The following PCCA variants were observed in gnomAD, a reference collection of about 807,000 sequenced individuals.
PCCA encodes propionyl-CoA carboxylase alpha chain, mitochondrial.
A neutral mutation model predicts 101.3 loss-of-function variants in PCCA; 74 were observed. The ratio of observed to expected loss-of-function variants is 0.73; its 90% confidence interval spans 0.61 to 0.89. The LOEUF (loss-of-function observed/expected upper bound fraction) is 0.89. Ranked by LOEUF, PCCA falls within the 40% of genes least tolerant of loss-of-function variation. The pLI is 0.00. For synonymous variants in PCCA, 294 were observed against 313.6 expected (o/e 0.94, Z 0.66); for missense variants, 891 against 907.0 (o/e 0.98, Z 0.23).
intron 21 of PCCA, among the ~76,000 whole-genome samples, chr13:100,469,224 A>AAAAAAAAAAAAAAG: frequency 2.0e-5 from 3 of 150,300 alleles, no homozygotes; most frequent in African/African-American, 7.3e-5. Context: ...AAAAAAAAAA[A>AAAAAAAAAAAAAAG]AAAGAATCCC....
intron 21 of PCCA, among the ~76,000 whole-genome samples, chr13:100,469,125 C>T (rs1321154575): frequency 2.7e-5 from 4 of 147,954 alleles, no homozygotes; most frequent in East Asian, 2.0e-4. Flanking sequence ...GCAGGAGAAT[C>T]GCTTGAACCC....
intron 19 of PCCA, among the ~76,000 whole-genome samples, chr13:100,375,999 G>A (rs1013315263): frequency 2.0e-5 from 3 of 152,200 alleles, no homozygotes; most frequent in Admixed American, 2.0e-4. Context: ...TGTCTTTGAT[G>A]TTGGTGACCT....
At chr13:100,157,488 G>A (rs77295050) in intron 6 of PCCA, 148 bp downstream of exon 6, 117 of 655,658 alleles carry the variant, frequency 1.8e-4, no homozygotes, top group Non-Finnish European at 2.6e-4. Context: ...AGTGGTTTTA[G>A]TCTGAAACTC....
At chr13:100,339,870 A>G (rs1431113387) in intron 17 of PCCA, among the ~76,000 whole-genome samples, 2 of 152,096 alleles carry the variant, frequency 1.3e-5, no homozygotes, top group Non-Finnish European at 2.9e-5. Context: ...CTCTGTGTGG[A>G]TGGTTTTTTC....
At chr13:100,153,526 ATTTCTTTCTTACAGAAG>A (rs980094931) in intron 4 of PCCA, among the ~76,000 whole-genome samples, 1 of 152,220 alleles carries the variant, frequency 6.6e-6, no homozygotes, top group African/African-American at 2.4e-5. Context: ...GAAGTACTCA[ATTTCTTTCTTACAGAAG>A]AAAACTACAA....
At chr13:100,316,675 A>G (rs2067380699) in intron 16 of PCCA, among the ~76,000 whole-genome samples, 1 of 152,200 alleles carries the variant, frequency 6.6e-6, no homozygotes, top group Admixed American at 6.6e-5. Context: ...CTATTTTAAC[A>G]TTGGCCACAC....
chr13:100,408,250 C>A (rs757047896), intron 19 of PCCA, among the ~76,000 whole-genome samples: 6 of 152,134 alleles, frequency 3.9e-5, no homozygotes, highest in Non-Finnish European at 7.3e-5. Context: ...GTTATATGTC[C>A]CCAGCCCTTA....
chr13:100,438,847 C>G (rs1345857075), intron 20 of PCCA, among the ~76,000 whole-genome samples: 1 of 152,178 alleles, frequency 6.6e-6, no homozygotes, highest in African/African-American at 2.4e-5. Flanking sequence ...GAATAATACC[C>G]CAAATGTTGT....
At chr13:100,175,132 A>T (rs985992513) in intron 6 of PCCA, among the ~76,000 whole-genome samples, 3 of 152,132 alleles carry the variant, frequency 2.0e-5, no homozygotes, top group African/African-American at 7.2e-5. Context: ...GTAATTGGTT[A>T]TTATGATTTA....
intron 6 of PCCA, among the ~76,000 whole-genome samples, chr13:100,187,389 G>GT (rs1293228724): frequency 1.3e-5 from 2 of 152,114 alleles, no homozygotes; most frequent in Non-Finnish European, 2.9e-5. Flanking sequence ...GGCTGGAGAG[G>GT]TTTTTGGGCA....
chr13:100,128,291 A>G lies in PCCA; in HGVS notation c.300+16230A>G, dbSNP rs909838141. 5.9e-5 allele frequency among the ~76,000 whole-genome samples: 9 copies of G among 152,240 alleles called. No homozygotes were observed. In the East Asian group the frequency reaches 9.7e-4, roughly 16 times the overall value. Reference sequence around the variant, plus strand: ...GTATGAGGAAAAGTCCCCTCCCACCACAAAACGAAGTGAAGTTTATTACTT... The same window carrying G: ...GTATGAGGAAAAGTCCCCTCCCACCGCAAAACGAAGTGAAGTTTATTACTT... On this transcript the variant is annotated intron_variant, in intron 4 of 23. Transcript: ENST00000376285.
At chr13:100,490,092 T>C (rs532968610) in intron 21 of PCCA, 1 of 152,412 alleles carries the variant, frequency 6.6e-6, no homozygotes, top group Admixed American at 6.5e-5. Context: ...CATTCTGTCT[T>C]GCATTGCTTC....
At chr13:100,415,258 T>C (rs1367327500) in intron 19 of PCCA, among the ~76,000 whole-genome samples, 4 of 149,032 alleles carry the variant, frequency 2.7e-5, no homozygotes, top group Non-Finnish European at 5.9e-5. Flanking sequence ...AAAAAAAAAA[T>C]TAGCCAGGCA....
intron 6 of PCCA, among the ~76,000 whole-genome samples, chr13:100,206,088 G>C (rs148978418): frequency 1.6e-3 from 245 of 152,024 alleles, no homozygotes; most frequent in African/African-American, 5.7e-3. Context: ...TGAAAATAAG[G>C]TTCTACTAAA....
chr13:100,241,212 C>T (rs1566778075), intron 8 of PCCA, among the ~76,000 whole-genome samples: 1 of 152,090 alleles, frequency 6.6e-6, no homozygotes. Context: ...TCATTACTCC[C>T]CAAAGAAACT....
At chr13:100,355,299 A>C (rs570819915) in intron 18 of PCCA, among the ~76,000 whole-genome samples, 1 of 152,316 alleles carries the variant, frequency 6.6e-6, no homozygotes, top group African/African-American at 2.4e-5. Flanking sequence ...ATAGAAGGCA[A>C]CTTCCTCAGA....
At chr13:100,089,949 C>T (rs1282139050) in intron 1 of PCCA, among the ~76,000 whole-genome samples, 2 of 152,160 alleles carry the variant, frequency 1.3e-5, no homozygotes, top group Non-Finnish European at 2.9e-5. Flanking sequence ...TGAGCTCTGT[C>T]TCCAGTCAAT....
At chr13:100,252,794 C>G (rs1566800007) in intron 8 of PCCA, among the ~76,000 whole-genome samples, 2 of 152,194 alleles carry the variant, frequency 1.3e-5, no homozygotes, top group African/African-American at 4.8e-5. Context: ...CTTTGTCTTT[C>G]TCTCTATCTC....
chr13:100,149,280 A>G (rs899684750), intron 4 of PCCA: 3 of 140,386 alleles, frequency 2.1e-5, no homozygotes, highest in Non-Finnish European at 3.1e-5. Flanking sequence ...CAACAAGTTT[A>G]TTATTTTTTA....
Sources: allele counts gnomAD v4.1 joint callset (sites outside exome capture counted in the v4.1 genomes callset), GRCh38; gene constraint gnomAD v4.1.1; transcripts MANE v1.5; gene names NCBI Gene and HGNC (gene_info 2026-07-23, HGNC 2026-07-21).